The following ZNF721 variants were observed in gnomAD, a reference collection of about 807,000 sequenced individuals.
ZNF721 encodes zinc finger protein 721.
A neutral mutation model predicts 2.4 loss-of-function variants in ZNF721; 2 were observed. The observed-to-expected ratio is 0.82, with a 90% CI of 0.34 to 2.58. The LOEUF (loss-of-function observed/expected upper bound fraction) is 2.58, where lower values mean the gene tolerates loss of function less well. Among genes scored for constraint, ZNF721 ranks in the 30% most tolerant of loss-of-function variants. The pLI is 0.11. For missense variants in ZNF721, 1,187 were observed against 1,085.5 expected, an observed-to-expected ratio of 1.09 and a Z score of -1.31; for synonymous variants, 398 against 381.8, an observed-to-expected ratio of 1.04 and a Z score of -0.50.
intron 2 of ZNF721, among the ~76,000 whole-genome samples, chr4:454,258 C>T (rs1714767851): frequency 1.3e-5 from 2 of 152,208 alleles, no homozygotes; most frequent in Admixed American, 6.5e-5. Flanking sequence ...ATCCACCATA[C>T]AAATGCGCTG....
Position 443,545 on chromosome 4 carries a change from C to A in ZNF721, c.922G>T (p.Glu308Ter). ...TGTCTAAAGGCTTTGCCACATACTTCACATGTGTAGGGTTTCTCTCCAGTA... is the reference window on the plus strand; with the variant it reads ...TGTCTAAAGGCTTTGCCACATACTTAACATGTGTAGGGTTTCTCTCCAGTA... ...IHTGEKPYTC[E>*]VCGKAFRQSA... is the part of the protein sequence containing the mutation. The change falls in exon 3 of 3, where the codon GAA (glutamate) becomes TAA (stop). Residue 308 changes from glutamate to a stop codon, truncating the protein, a stop_gained. Transcript: ENST00000511833. LOFTEE classifies it low-confidence loss of function (END_TRUNC). The A allele has an allele frequency of 6.2e-7, 1 of 1,613,888 alleles. No homozygotes were observed.
chr4:479,764 G>A (rs1715728274), intron 1 of ZNF721, among the ~76,000 whole-genome samples: 1 of 152,244 alleles, frequency 6.6e-6, no homozygotes, highest in South Asian at 2.1e-4. Context: ...GGTCTGTGAA[G>A]CCAGAGGATT....
At chr4:483,507 G>A (rs1292501721) in intron 1 of ZNF721, among the ~76,000 whole-genome samples, 14 of 151,500 alleles carry the variant, frequency 9.2e-5, no homozygotes, top group Non-Finnish European at 1.3e-4. Flanking sequence ...AGCCAAGATC[G>A]CGCCACTGCA....
At position 443,078 on chromosome 4, in the gene ZNF721, A is replaced by G. The variant is rs1553863546; in HGVS notation, c.1389T>C (p.His463=). The G allele has an allele frequency of 6.2e-7, 1 of 1,613,552 alleles. No homozygotes were observed. The highest frequency in any genetic ancestry group is 8.5e-7 in the Non-Finnish European group (1 of 1,179,578). The change falls in exon 3 of 3, where the codon CAT becomes CAC. Residue 463 remains histidine, a synonymous_variant. Coordinates refer to ENST00000511833, the MANE Select transcript of ZNF721 (RefSeq NM_133474.4). ...AFIHSLHLNK[H]EKIHTGKKPY... Reference sequence around the variant, plus strand: ...GTTTCTTTCCAGTATGAATTTTCTCATGTTTATTCAGGTGCAAGGAATGTA... The same window carrying G: ...GTTTCTTTCCAGTATGAATTTTCTCGTGTTTATTCAGGTGCAAGGAATGTA...
intron 2 of ZNF721, among the ~76,000 whole-genome samples, chr4:457,386 A>G (rs1176669965): frequency 6.6e-6 from 1 of 152,200 alleles, no homozygotes; most frequent in African/African-American, 2.4e-5. Context: ...GCTGTATTGA[A>G]AAGACATGCC....
chr4:482,088 CTG>C (rs1468037141), intron 1 of ZNF721, among the ~76,000 whole-genome samples: 3 of 152,168 alleles, frequency 2.0e-5, no homozygotes, highest in African/African-American at 4.8e-5. Context: ...TCACATATGA[CTG>C]TGAGACATTG....
rs887010225 is a variant in ZNF721 at position 493,882 on chromosome 4, A to T, written c.-94+5174T>A. ...CTTATAGTATTTGGCAGGGATAATT[A>T]TAAAATTGCTTGATTAATAAATGCA... On this transcript the variant is annotated intron_variant, in intron 1 of 2. Coordinates refer to ENST00000511833, the MANE Select transcript of ZNF721 (RefSeq NM_133474.4). 2.0e-5 allele frequency among the ~76,000 whole-genome samples: 3 copies of T among 152,336 alleles called. No individual in the cohort carries two copies. In the East Asian group the frequency reaches 5.8e-4, roughly 29 times the overall value.
At chr4:474,070 C>G (rs1210604871) in intron 1 of ZNF721, 1 of 1,426,276 alleles carries the variant, frequency 7.0e-7, no homozygotes, top group Non-Finnish European at 9.4e-7. Flanking sequence ...GAGGCTCTGG[C>G]AAAATCACCG....
At chr4:447,951 C>T (rs1468954669) in intron 2 of ZNF721, among the ~76,000 whole-genome samples, 1 of 151,980 alleles carries the variant, frequency 6.6e-6, no homozygotes, top group Non-Finnish European at 1.5e-5. Context: ...CACAAAAAAG[C>T]AATATAATTA....
intron 2 of ZNF721, among the ~76,000 whole-genome samples, chr4:463,942 T>C (rs1309434023): frequency 6.6e-6 from 1 of 151,634 alleles, no homozygotes; most frequent in African/African-American, 2.4e-5. Flanking sequence ...ATGAAAAAAA[T>C]GGCTAACAGA....
intron 2 of ZNF721, among the ~76,000 whole-genome samples, chr4:470,827 C>T (rs1553867556): frequency 6.6e-6 from 1 of 152,022 alleles, no homozygotes; most frequent in African/African-American, 2.4e-5. Flanking sequence ...GGTGAAACCC[C>T]ACCTCTACTA....
intron 1 of ZNF721, among the ~76,000 whole-genome samples, chr4:489,313 G>A (rs1289324685): frequency 6.6e-6 from 1 of 152,156 alleles, no homozygotes; most frequent in Non-Finnish European, 1.5e-5. Context: ...AAAAGACCCA[G>A]AACTCAGCCC....
At chr4:461,363 T>A (rs1286846648) in intron 2 of ZNF721, among the ~76,000 whole-genome samples, 2 of 152,164 alleles carry the variant, frequency 1.3e-5, no homozygotes, top group Non-Finnish European at 2.9e-5. Context: ...CACATGATTA[T>A]CTCAATAGAT....
chr4:474,060 G>A, intron 1 of ZNF721: 1 of 1,454,746 alleles, frequency 6.9e-7, no homozygotes, highest in Non-Finnish European at 9.2e-7. Context: ...GATGGAGGCT[G>A]AGGCTCTGGC....
intron 2 of ZNF721, among the ~76,000 whole-genome samples, chr4:463,244 A>C (rs1302508602): frequency 1.3e-5 from 2 of 150,328 alleles, no homozygotes; most frequent in African/African-American, 2.5e-5. Flanking sequence ...ATCATTAAGA[A>C]GTCAGGAAAC....
intron 1 of ZNF721, among the ~76,000 whole-genome samples, chr4:479,334 C>T (rs1042660118): frequency 6.6e-6 from 1 of 152,188 alleles, no homozygotes; most frequent in Non-Finnish European, 1.5e-5. Flanking sequence ...CCACCCATGA[C>T]ATCATGCACG....
chr4:473,370 A>G (rs558033484), intron 1 of ZNF721, among the ~76,000 whole-genome samples: 16 of 152,152 alleles, frequency 1.1e-4, no homozygotes, highest in African/African-American at 3.6e-4. Flanking sequence ...CCCCAACACA[A>G]ACGCTTTTCA....
chr4:454,429 A>G (rs532769477), intron 2 of ZNF721, among the ~76,000 whole-genome samples: 10 of 152,344 alleles, frequency 6.6e-5, no homozygotes, highest in African/African-American at 2.4e-4. Flanking sequence ...TCAGCTGTGT[A>G]CTGTTGTGTT....
chr4:496,778 T>C (rs1553872290), intron 1 of ZNF721, among the ~76,000 whole-genome samples: 1 of 141,196 alleles, frequency 7.1e-6, no homozygotes, highest in Non-Finnish European at 1.5e-5. Context: ...AGTGGCGCGA[T>C]CTCGGCTCAC....
Sources: allele counts gnomAD v4.1 joint callset (sites outside exome capture counted in the v4.1 genomes callset), GRCh38; gene constraint gnomAD v4.1.1; transcripts MANE v1.5; gene names NCBI Gene and HGNC (gene_info 2026-07-23, HGNC 2026-07-21).